The following TENM4 variants were observed in gnomAD, a reference collection of about 807,000 sequenced individuals.
TENM4 encodes the protein teneurin-4.
In TENM4, 82 loss-of-function variants were observed where a neutral mutation model predicts 243.3. That is an observed-to-expected ratio of 0.34 (90% CI 0.28 to 0.40). TENM4 has a LOEUF of 0.40. Among genes scored for constraint, TENM4 ranks in the 10% least tolerant of loss-of-function variants. The pLI is 1.00. For synonymous variants in TENM4, 1,412 were observed against 1,456.3 expected (o/e 0.97, Z 0.69); for missense variants, 3,138 against 3,673.3 (o/e 0.85, Z 3.77).
intron 19 of TENM4, among the ~76,000 whole-genome samples, chr11:78,741,710 A>G (rs942402801): frequency 6.6e-6 from 1 of 152,172 alleles, no homozygotes; most frequent in African/African-American, 2.4e-5. Context: ...TCTGCATGCC[A>G]CTGGAACACT....
chr11:78,972,370 T>C (rs1017875778), intron 6 of TENM4, among the ~76,000 whole-genome samples: 4 of 152,176 alleles, frequency 2.6e-5, no homozygotes, highest in African/African-American at 7.2e-5. Flanking sequence ...CTGTGAGTTA[T>C]GTTGGAAAAA....
chr11:79,170,167 A>G (rs1246600059), intron 3 of TENM4, among the ~76,000 whole-genome samples: 1 of 151,826 alleles, frequency 6.6e-6, no homozygotes, highest in Non-Finnish European at 1.5e-5. Flanking sequence ...CTAATGGGGA[A>G]CACCAGAGGC....
Position 78,732,364 on chromosome 11 carries a change from G to C in TENM4, c.3090C>G (p.Ser1030=), listed in dbSNP as rs777842885. The change falls in exon 21 of 34, where the codon TCC becomes TCG. Residue 1030 remains serine (S), a synonymous_variant. Coordinates refer to ENST00000278550, the MANE Select transcript of TENM4 (RefSeq NM_001098816.3). ...NPVVSPSPLT[S]FASSCAEKGP... ...CTTTCTCTGCACAGGAGCTGGCGAA[G>C]GACGTCAGTGGGGATGGAGAGACGA... is the stretch of plus-strand genomic sequence containing the variant. 1 of 1,613,786 alleles carries C rather than the reference G, an allele frequency of 6.2e-7. No homozygotes were observed. Among genetic ancestry groups the C allele is most frequent in the East Asian group, 2.2e-5 (1 of 44,880 alleles).
At chr11:79,296,002 C>A (rs1449564521) in intron 2 of TENM4, among the ~76,000 whole-genome samples, 4 of 151,614 alleles carry the variant, frequency 2.6e-5, no homozygotes, top group Non-Finnish European at 5.9e-5. Flanking sequence ...ATGTACATTA[C>A]AGCATTCTAG....
chr11:79,141,933 C>T (rs1326806630), intron 4 of TENM4, among the ~76,000 whole-genome samples: 1 of 151,910 alleles, frequency 6.6e-6, no homozygotes, highest in African/African-American at 2.4e-5. Flanking sequence ...AGGCATTTGA[C>T]AAAATTCTTT....
intron 6 of TENM4, among the ~76,000 whole-genome samples, chr11:79,028,314 G>A (rs1859134721): frequency 6.6e-6 from 1 of 152,226 alleles, no homozygotes; most frequent in Non-Finnish European, 1.5e-5. Flanking sequence ...AAGTATGCTT[G>A]TCCTAGGTCA....
intron 6 of TENM4, among the ~76,000 whole-genome samples, chr11:79,035,208 C>A (rs1308927840): frequency 6.6e-6 from 1 of 152,234 alleles, no homozygotes; most frequent in East Asian, 1.9e-4. Flanking sequence ...ACCTCCCCAG[C>A]CTCTGCTGCT....
chr11:79,163,658 G>C (rs1862807689), intron 3 of TENM4, among the ~76,000 whole-genome samples: 1 of 151,566 alleles, frequency 6.6e-6, no homozygotes. Flanking sequence ...TTCCATTCCT[G>C]AGTTACTTCA....
At chr11:79,246,828 G>A (rs541199336) in intron 2 of TENM4, among the ~76,000 whole-genome samples, 1 of 151,826 alleles carries the variant, frequency 6.6e-6, no homozygotes, top group Non-Finnish European at 1.5e-5. Context: ...AAGAGGGAGA[G>A]GGTTGTTTCT....
intron 6 of TENM4, among the ~76,000 whole-genome samples, chr11:78,910,271 A>G (rs981701656): frequency 2.0e-5 from 3 of 152,194 alleles, no homozygotes; most frequent in Non-Finnish European, 4.4e-5. Context: ...GCAGTCATTA[A>G]TTGGGTCCTA....
chr11:79,264,363 A>G (rs1273007777), intron 2 of TENM4, among the ~76,000 whole-genome samples: 1 of 152,226 alleles, frequency 6.6e-6, no homozygotes, highest in African/African-American at 2.4e-5. Flanking sequence ...AGCTTTATTT[A>G]TGCAATTATA....
At chr11:79,049,731 AG>A (rs1173873286) in intron 6 of TENM4, among the ~76,000 whole-genome samples, 1 of 152,230 alleles carries the variant, frequency 6.6e-6, no homozygotes, top group African/African-American at 2.4e-5. Flanking sequence ...GGTGCATGCT[AG>A]GCAGAGGGCA....
intron 6 of TENM4, among the ~76,000 whole-genome samples, chr11:79,062,988 G>T (rs1481424735): frequency 6.6e-6 from 1 of 152,110 alleles, no homozygotes; most frequent in East Asian, 1.9e-4. Context: ...CCTTCACAGG[G>T]CTGGCTGGGG....
intron 18 of TENM4, among the ~76,000 whole-genome samples, chr11:78,763,083 A>G (rs1419600021): frequency 3.9e-5 from 6 of 152,206 alleles, no homozygotes; most frequent in African/African-American, 1.4e-4. Context: ...TATATTTGCT[A>G]TCCCCATTCA....
At chr11:79,144,025 G>A (rs1365645970) in intron 4 of TENM4, among the ~76,000 whole-genome samples, 2 of 151,972 alleles carry the variant, frequency 1.3e-5, no homozygotes, top group Non-Finnish European at 1.5e-5. Context: ...CCCACAGAAT[G>A]GGAGAAAATG....
chr11:78,916,483 C>T (rs1207981203), intron 6 of TENM4, among the ~76,000 whole-genome samples: 2 of 152,142 alleles, frequency 1.3e-5, no homozygotes, highest in Admixed American at 6.5e-5. Context: ...TAAATTAAGC[C>T]TTTGTCCATG....
chr11:79,188,585 G>A (rs146847956), intron 3 of TENM4, among the ~76,000 whole-genome samples: 1,774 of 151,836 alleles, frequency 0.012, 16 homozygotes, highest in Non-Finnish European at 0.019. Context: ...GGAGTGAGGA[G>A]AGGAGTCAAT....
intron 6 of TENM4, among the ~76,000 whole-genome samples, chr11:78,931,765 G>C (rs1856674943): frequency 6.6e-6 from 1 of 152,202 alleles, no homozygotes; most frequent in Non-Finnish European, 1.5e-5. Flanking sequence ...ACCGGGGCTA[G>C]GTGTGAATTC....
Position 79,286,337 on chromosome 11 carries a change from G to T in TENM4, c.-265+11151C>A, listed in dbSNP as rs1385201839. ...ATTCTGGGTAAGTGGCTTCACGTTT[G>T]ACCTCAATTTTTGTTTTCTATAAGT... On this transcript the variant is annotated intron_variant, in intron 2 of 33. Coordinates refer to ENST00000278550, the MANE Select transcript of TENM4 (RefSeq NM_001098816.3). Among the ~76,000 whole-genome samples the T allele has an allele frequency of 2.6e-5, 4 of 152,116 alleles. No homozygotes were observed. In the East Asian group the frequency reaches 7.7e-4, roughly 29 times the overall value.
Sources: allele counts gnomAD v4.1 joint callset (sites outside exome capture counted in the v4.1 genomes callset), GRCh38; gene constraint gnomAD v4.1.1; transcripts MANE v1.5; gene names NCBI Gene and HGNC (gene_info 2026-07-23, HGNC 2026-07-21).